The following BRSK2 variants were observed in gnomAD, a reference collection of about 807,000 sequenced individuals.
BRSK2 encodes serine/threonine-protein kinase BRSK2.
BRSK2 carries 19 observed loss-of-function variants against 83.3 expected under a neutral mutation model. The observed-to-expected ratio is 0.23, with a 90% CI of 0.16 to 0.33. The LOEUF (loss-of-function observed/expected upper bound fraction) is 0.33. Among genes scored for constraint, BRSK2 ranks in the 10% least tolerant of loss-of-function variants. BRSK2 has a pLI of 1.00. For missense variants in BRSK2, 798 were observed against 1,042.3 expected, an observed-to-expected ratio of 0.77 and a Z score of 3.23; for synonymous variants, 519 against 435.4, an observed-to-expected ratio of 1.19 and a Z score of -2.39.
At chr11:1,410,523 A>G (rs1847357651) in intron 1 of BRSK2, 2 of 985,284 alleles carry the variant, frequency 2.0e-6, no homozygotes, top group Non-Finnish European at 2.4e-6. Context: ...TCGGTGCTTC[A>G]AAGGCCTCAC....
chr11:1,456,732 G>A, intron 18 of BRSK2, 45 bp downstream of exon 18: 1 of 1,545,414 alleles, frequency 6.5e-7, no homozygotes, highest in Non-Finnish European at 8.7e-7. Context: ...TGCGAGTGGG[G>A]CGTGGCCAGC....
Position 1,450,835 on chromosome 11 carries a change from G to A in BRSK2, c.1495+41G>A, listed in dbSNP as rs1310958813. The stretch of plus-strand genomic sequence containing the variant: ...GAGGCGCCAGAGTGGGGCTGGGAGA[G>A]AGCAGAGGCTGCCTTGGGGAGGGCC... On this transcript the variant is annotated intron_variant, in intron 14 of 19. Coordinates refer to ENST00000528841, the MANE Select transcript of BRSK2 (RefSeq NM_001256627.2). 5 of 1,535,362 alleles carry A rather than the reference G, an allele frequency of 3.3e-6. No individual in the cohort carries two copies. The South Asian group carries it at 4.9e-5, about 15-fold the overall frequency.
intron 2 of BRSK2, among the ~76,000 whole-genome samples, chr11:1,437,298 G>A (rs188648635): frequency 1.6e-3 from 249 of 152,242 alleles, no homozygotes; most frequent in African/African-American, 5.9e-3. Flanking sequence ...TGGCCAACTC[G>A]CCAGGGCTGG....
intron 1 of BRSK2, among the ~76,000 whole-genome samples, chr11:1,402,472 T>A (rs1017163786): frequency 6.6e-6 from 1 of 152,202 alleles, no homozygotes; most frequent in Non-Finnish European, 1.5e-5. Flanking sequence ...GAGCCCCGCC[T>A]CCGGGGAGGA....
intron 1 of BRSK2, among the ~76,000 whole-genome samples, chr11:1,421,586 C>G (rs57488503): frequency 5.9e-5 from 9 of 152,318 alleles, no homozygotes; most frequent in African/African-American, 1.9e-4. Context: ...GATGCGCCGC[C>G]CCTTCCCTCT....
Position 1,460,914 on chromosome 11 carries a change from CTG to C in BRSK2, c.*193_*194del. On this transcript the variant is annotated 3_prime_UTR_variant, in exon 20 of 20. Transcript: ENST00000528841. ...CACCCGCGCCCGCTCTCTTTTCTCT[CTG>C]TCTCTGCCTCTGCCTGTCTCTGACA... is the stretch of plus-strand genomic sequence containing the variant. 6.2e-7 allele frequency: 1 copy of C among 1,611,034 alleles called. No individual in the cohort carries two copies. The highest frequency in any genetic ancestry group is 8.5e-7 in the Non-Finnish European group (1 of 1,179,010).
At chr11:1,453,809 G>A (rs902874694) in intron 15 of BRSK2, 1 of 152,316 alleles carries the variant, frequency 6.6e-6, no homozygotes, top group African/African-American at 2.4e-5. Context: ...AGGCAGCAAC[G>A]GCAGGGGACG....
chr11:1,402,930 C>A (rs975669145), intron 1 of BRSK2, among the ~76,000 whole-genome samples: 1 of 152,098 alleles, frequency 6.6e-6, no homozygotes. Context: ...CCCCAAATCC[C>A]CGGGGATTTG....
Position 1,460,906 on chromosome 11 carries a change from T to C in BRSK2, c.*183T>C. On this transcript the variant is annotated 3_prime_UTR_variant, in exon 20 of 20. Transcript: ENST00000528841. ...GGCTGCGCCACCCGCGCCCGCTCTCTTTTCTCTCTGTCTCTGCCTCTGCCT... is the reference window on the plus strand; with the variant it reads ...GGCTGCGCCACCCGCGCCCGCTCTCCTTTCTCTCTGTCTCTGCCTCTGCCT... 1 of 1,610,116 alleles carries C rather than the reference T, an allele frequency of 6.2e-7. No individual in the cohort carries two copies. Among genetic ancestry groups the C allele is most frequent in the Non-Finnish European group, 8.5e-7 (1 of 1,178,646 alleles).
chr11:1,415,424 A>G (rs542897889), intron 1 of BRSK2, among the ~76,000 whole-genome samples: 187 of 151,726 alleles, frequency 1.2e-3, no homozygotes, highest in Non-Finnish European at 1.8e-3. Context: ...AAATTAGTTC[A>G]TTTATTTTTC....
intron 1 of BRSK2, among the ~76,000 whole-genome samples, chr11:1,428,811 G>C (rs964754622): frequency 6.6e-6 from 1 of 151,866 alleles, no homozygotes; most frequent in South Asian, 2.1e-4. Flanking sequence ...TGGGGTGTAT[G>C]TATGCAGTCG....
At chr11:1,396,070 A>G (rs987132636) in intron 1 of BRSK2, among the ~76,000 whole-genome samples, 2 of 152,070 alleles carry the variant, frequency 1.3e-5, no homozygotes, top group African/African-American at 4.8e-5. Flanking sequence ...GGTCCCCACC[A>G]TCGTTGGCTG....
rs576566778 is a variant in BRSK2 at position 1,450,353 on chromosome 11, G to A, written c.1288-234G>A. ...TGGACACGTCCTCCCTCTGCAGGCC[G>A]CCCTGCGGCCCGACCCCAAGACCCA... On this transcript the variant is annotated intron_variant, in intron 13 of 19. Coordinates refer to ENST00000528841, the MANE Select transcript of BRSK2 (RefSeq NM_001256627.2). Among the ~76,000 whole-genome samples, 261 of 152,084 alleles carry A rather than the reference G, an allele frequency of 1.7e-3. No homozygotes were observed. Among genetic ancestry groups the A allele is most frequent in the Non-Finnish European group, 3.0e-3 (201 of 67,954 alleles).
At chr11:1,426,265 C>T (rs112639882) in intron 1 of BRSK2, among the ~76,000 whole-genome samples, 3,273 of 60,472 alleles carry the variant, frequency 0.054, 61 homozygotes, top group Non-Finnish European at 0.06. Context: ...GGGCGTGCTC[C>T]GGGGATGTGT....
In BRSK2 at chr11:1,390,654, C is replaced by T. The variant is rs1845666913; in HGVS notation, c.91+279C>T. On this transcript the variant is annotated intron_variant, in intron 1 of 19. Transcript: ENST00000528841. This position sits in a 1 kb window ranked among gnomAD's most constrained non-coding sequence, Gnocchi z 6.8. ...CAGGGGCGCACGGGACGGCGCCCCT[C>T]GGGCCCCGCTGCAGGTGCGCGGCCC... is the stretch of plus-strand genomic sequence containing the variant. Among the ~76,000 whole-genome samples, 1 of 148,164 alleles carries T rather than the reference C, an allele frequency of 6.7e-6. No homozygotes were observed. The highest frequency in any genetic ancestry group is 2.4e-5 in the African/African-American group (1 of 40,976).
intron 1 of BRSK2, among the ~76,000 whole-genome samples, chr11:1,399,799 C>T (rs953362731): frequency 6.6e-6 from 1 of 152,172 alleles, no homozygotes; most frequent in South Asian, 2.1e-4. Context: ...TCGGGCCCAG[C>T]CTCCTTCTTC....
intron 1 of BRSK2, among the ~76,000 whole-genome samples, chr11:1,405,769 T>A (rs565506736): frequency 6.6e-6 from 1 of 152,116 alleles, no homozygotes; most frequent in South Asian, 2.1e-4. Flanking sequence ...CTTTCCTGAG[T>A]GTGGCCCCAG....
intron 1 of BRSK2, chr11:1,409,411 T>C (rs1847178033): frequency 6.6e-6 from 1 of 152,190 alleles, no homozygotes; most frequent in Non-Finnish European, 1.5e-5. Flanking sequence ...GTTGGAGTGT[T>C]GGTGGTTTTG....
At chr11:1,445,195 G>T in intron 9 of BRSK2, 99 bp from the exon 10 acceptor site, 1 of 1,502,504 alleles carries the variant, frequency 6.7e-7, no homozygotes. Flanking sequence ...AGGGAGAGTG[G>T]CAGGATGAAG....
Sources: gnomAD v4.1 joint callset for allele counts (sites outside exome capture counted in the v4.1 genomes callset) on GRCh38, gnomAD v4.1.1 for gene constraint, Gnocchi (gnomAD v3.1) non-coding constraint, MANE v1.5 for transcripts, NCBI Gene and HGNC (gene_info 2026-07-23, HGNC 2026-07-21) for gene names.